Variants in DGKB observed in about 807,000 individuals in gnomAD.
DGKB encodes 90 kDa diacylglycerol kinase.
A neutral mutation model predicts 114.3 loss-of-function variants in DGKB; 67 were observed. The ratio of observed to expected loss-of-function variants is 0.59; its 90% CI spans 0.48 to 0.72. The LOEUF is 0.72. Ranked by LOEUF, DGKB falls within the 30% of genes least tolerant of loss-of-function variation. The probability of loss-of-function intolerance (pLI) is 0.00; values close to 1 mark genes in which losing one functional copy is unlikely to be tolerated. For missense variants in DGKB, 907 were observed against 975.2 expected (o/e 0.93, Z 0.93); for synonymous variants, 398 against 323.1 (o/e 1.23, Z -2.49).
intron 17 of DGKB, among the ~76,000 whole-genome samples, chr7:14,603,296 C>T (rs1803899918): frequency 6.6e-6 from 1 of 152,028 alleles, no homozygotes; most frequent in Non-Finnish European, 1.5e-5. Context: ...GAGTTGAGTG[C>T]TTCACTTTTA....
At chr7:14,578,261 C>G (rs1177302194) in intron 19 of DGKB, among the ~76,000 whole-genome samples, 5 of 152,166 alleles carry the variant, frequency 3.3e-5, no homozygotes, top group African/African-American at 4.8e-5. Flanking sequence ...TCAATTAAAC[C>G]TTTCTTTATA....
intron 1 of DGKB, among the ~76,000 whole-genome samples, chr7:14,961,963 T>A (rs1366554723): frequency 6.6e-6 from 1 of 152,138 alleles, no homozygotes; most frequent in East Asian, 1.9e-4. Context: ...ATTAACCATG[T>A]TATCTATCCA....
At chr7:14,396,792 T>A (rs1305168907) in intron 21 of DGKB, among the ~76,000 whole-genome samples, 4 of 152,178 alleles carry the variant, frequency 2.6e-5, no homozygotes, top group Admixed American at 2.6e-4. Flanking sequence ...CCATGCTATG[T>A]GACTATCTAC....
intron 20 of DGKB, among the ~76,000 whole-genome samples, chr7:14,506,427 A>G (rs577695742): frequency 3.3e-5 from 5 of 152,182 alleles, no homozygotes; most frequent in African/African-American, 4.8e-5. Context: ...AACATTTATT[A>G]AAAAAAGGTA....
chr7:14,472,837 C>T (rs1289910110), intron 21 of DGKB, among the ~76,000 whole-genome samples: 1 of 152,040 alleles, frequency 6.6e-6, no homozygotes, highest in Admixed American at 6.6e-5. Context: ...TGTCCCTGCC[C>T]TAGAGATTTG....
chr7:14,672,943 A>G lies in DGKB; in HGVS notation c.1120T>C (p.Cys374Arg), dbSNP rs1441159327. Residue 374 changes from cysteine (C) to arginine (R), a missense_variant, in exon 13 of 26, where the codon TGT (cysteine) becomes CGT (arginine). Transcript: ENST00000402815. ...KDHILPPTTI[C>R]PVVLTLPTSG... Reference sequence around the variant, plus strand: ...GAAAAACTCACCAGTACCACTGGACAGATTGTTGTGGGTGGTAAAATATGG... The same window carrying G: ...GAAAAACTCACCAGTACCACTGGACGGATTGTTGTGGGTGGTAAAATATGG... 2 of 1,567,084 alleles carry G rather than the reference A, an allele frequency of 1.3e-6. No homozygotes were observed. Among genetic ancestry groups the G allele is most frequent in the Admixed American group, 1.9e-5 (1 of 53,526 alleles).
At position 14,149,107 on chromosome 7, in the gene DGKB, T is replaced by A; in HGVS notation, c.*24A>T. On this transcript the variant is annotated 3_prime_UTR_variant, in exon 26 of 26. Transcript: ENST00000402815. ...CATGGCCCAATTATGCTAATTCAAT[T>A]TCTAAGAGTGAAACAACACAGGATT... is the stretch of plus-strand genomic sequence containing the variant. 6.3e-7 allele frequency: 1 copy of A among 1,594,196 alleles called. No individual in the cohort carries two copies. The highest frequency in any genetic ancestry group is 1.7e-4 in the Middle Eastern group (1 of 6,014).
At chr7:14,178,411 A>G (rs113743441) in intron 23 of DGKB, among the ~76,000 whole-genome samples, 6 of 41,258 alleles carry the variant, frequency 1.5e-4, no homozygotes, top group African/African-American at 9.0e-4. Context: ...AAATAATACC[A>G]AAAAAAAAAA....
chr7:14,479,391 AT>A lies in DGKB; in HGVS notation c.1771-1167del, dbSNP rs568852844. 7.2e-5 allele frequency among the ~76,000 whole-genome samples: 11 copies of A among 152,046 alleles called. No homozygotes were observed. The South Asian group carries it at 2.1e-3, about 29-fold the overall frequency. On this transcript the variant is annotated intron_variant, in intron 20 of 25. Coordinates refer to ENST00000402815, the MANE Select transcript of DGKB (RefSeq NM_001350709.2). Reference sequence around the variant, plus strand: ...GAGTTGCAGGATACAGCTAACTGTAATTTTTTTTCTGTATAAACATTTGATA... The same window carrying A: ...GAGTTGCAGGATACAGCTAACTGTAATTTTTTTCTGTATAAACATTTGATA...
intron 14 of DGKB, among the ~76,000 whole-genome samples, chr7:14,623,782 C>A (rs937826404): frequency 6.6e-5 from 10 of 152,046 alleles, no homozygotes; most frequent in African/African-American, 2.4e-4. Context: ...TTTAAGTTTG[C>A]AAATTATAAT....
intron 1 of DGKB, among the ~76,000 whole-genome samples, chr7:14,944,206 G>A (rs1260623100): frequency 1.3e-5 from 2 of 151,874 alleles, no homozygotes; most frequent in Admixed American, 1.3e-4. Flanking sequence ...GAAGAACTGA[G>A]AACTGCAGAG....
intron 1 of DGKB, among the ~76,000 whole-genome samples, chr7:14,844,501 A>T (rs1848374630): frequency 6.6e-6 from 1 of 152,208 alleles, no homozygotes; most frequent in African/African-American, 2.4e-5. Context: ...GGGAAATAAG[A>T]TACAACAAAA....
At chr7:14,708,921 C>T (rs981429508) in intron 6 of DGKB, among the ~76,000 whole-genome samples, 10 of 150,994 alleles carry the variant, frequency 6.6e-5, no homozygotes, top group Non-Finnish European at 1.5e-4. Flanking sequence ...ACTTCATGTC[C>T]AAAACACCAA....
In DGKB at chr7:14,550,610, G is replaced by A. The variant is rs192067104; in HGVS notation, c.1770+23602C>T. On this transcript the variant is annotated intron_variant, in intron 20 of 25. Coordinates refer to ENST00000402815, the MANE Select transcript of DGKB (RefSeq NM_001350709.2). ...CAAAACAATAAAAAATACAACTGAG[G>A]ACATTTTCTTTCTTTCATGTGCTTT... 1.5e-3 allele frequency among the ~76,000 whole-genome samples: 224 copies of A among 152,098 alleles called. 1 individual carries two copies. The highest frequency in any genetic ancestry group is 2.5e-3 in the Non-Finnish European group (173 of 67,970).
chr7:14,272,583 G>A (rs1051676724), intron 23 of DGKB, among the ~76,000 whole-genome samples: 3 of 152,056 alleles, frequency 2.0e-5, no homozygotes, highest in South Asian at 2.1e-4. Flanking sequence ...ATCTTTATCT[G>A]CCATACTGTT....
chr7:14,841,452 TG>T lies in DGKB; in HGVS notation c.-187-3del. The T allele has an allele frequency of 3.2e-6, 1 of 307,926 alleles. No homozygotes were observed. Among genetic ancestry groups the T allele is most frequent in the Non-Finnish European group, 5.2e-6 (1 of 191,156 alleles). 19.1% of individuals were successfully genotyped at this position (307,926 alleles called of 1,614,324 possible). On this transcript the variant is annotated splice_region_variant and splice_polypyrimidine_tract_variant and intron_variant, in intron 1 of 25. Transcript: ENST00000402815. ...TAATTTCAATAATGTGTTAAAGAAC[TG>T]CAAAAAAAAAAAACAGATCAAGATC...
chr7:14,597,745 A>G (rs952540174), intron 17 of DGKB, among the ~76,000 whole-genome samples: 1 of 152,082 alleles, frequency 6.6e-6, no homozygotes, highest in Non-Finnish European at 1.5e-5. Flanking sequence ...CTAAGACTTG[A>G]GTCTTATTAT....
chr7:14,317,389 C>G (rs1482722328), intron 23 of DGKB, among the ~76,000 whole-genome samples: 1 of 142,774 alleles, frequency 7.0e-6, no homozygotes, highest in African/African-American at 2.6e-5. Flanking sequence ...GAAAACCCCA[C>G]TGTCTCAGCC....
At chr7:14,973,351 A>G (rs10273622) in intron 1 of DGKB, among the ~76,000 whole-genome samples, 1,618 of 151,910 alleles carry the variant, frequency 0.011, 28 homozygotes, top group African/African-American at 0.036. Context: ...CACAGTCAGT[A>G]TAAGTTAGAA....
Sources: gnomAD v4.1 joint callset for allele counts (sites outside exome capture counted in the v4.1 genomes callset) on GRCh38, gnomAD v4.1.1 for gene constraint, MANE v1.5 for transcripts, NCBI Gene and HGNC (gene_info 2026-07-23, HGNC 2026-07-21) for gene names.